The following ACSL6 variants were observed in gnomAD, a reference collection of about 807,000 sequenced individuals.
The protein encoded by ACSL6 is acyl-CoA synthetase long chain family member 6.
Under a neutral mutation model 98.2 loss-of-function variants are expected in ACSL6, and 47 were observed. The ratio of observed to expected loss-of-function variants is 0.48; its 90% CI spans 0.38 to 0.61. The LOEUF is 0.61. ACSL6 is among the 20% of genes least tolerant of loss of function. ACSL6 has a pLI of 0.00. For synonymous variants in ACSL6, 362 were observed against 336.9 expected, an observed-to-expected ratio of 1.07 and a Z score of -0.82; for missense variants, 761 against 913.4, an observed-to-expected ratio of 0.83 and a Z score of 2.15.
chr5:131,986,999 AC>A, intron 7 of ACSL6, 145 bp from the exon 8 acceptor site: 10 of 776,164 alleles, frequency 1.3e-5, no homozygotes, highest in African/African-American at 1.7e-5. Context: ...ACACACACAC[AC>A]CACACACAAA....
chr5:131,989,992 A>G, intron 4 of ACSL6, 108 bp downstream of exon 4: 2 of 1,199,394 alleles, frequency 1.7e-6, no homozygotes, highest in Non-Finnish European at 2.4e-6. Context: ...CAGGCCAGGG[A>G]AATAAATGAC....
At chr5:131,986,795 T>C (rs1754212617) in intron 8 of ACSL6, 27 bp downstream of exon 8, 2 of 1,613,920 alleles carry the variant, frequency 1.2e-6, no homozygotes, top group Non-Finnish European at 8.5e-7. Context: ...TCTCGCTCAA[T>C]AAAGACCTGC....
At chr5:131,987,090 C>A (rs535713853) in intron 7 of ACSL6, among the ~76,000 whole-genome samples, 1 of 152,322 alleles carries the variant, frequency 6.6e-6, no homozygotes, top group African/African-American at 2.4e-5. Flanking sequence ...CTGAGATGGT[C>A]ATGGCAGACA....
At chr5:131,991,128 C>T (rs1325768860) in intron 2 of ACSL6, among the ~76,000 whole-genome samples, 161 bp from the exon 3 acceptor site, 2 of 152,180 alleles carry the variant, frequency 1.3e-5, no homozygotes, top group African/African-American at 2.4e-5. Flanking sequence ...ACTACACACA[C>T]CTGGACTGTA....
upstream of ACSL6, chr5:132,011,708 C>G (rs532597201): frequency 6.1e-4 from 779 of 1,271,252 alleles, 6 homozygotes; most frequent in African/African-American, 0.011. The surrounding 1 kb of genome is among the most constrained non-coding windows in gnomAD (Gnocchi z 5.4). Flanking sequence ...CCCGCCTCCC[C>G]GCGCCGCTGC....
chr5:131,976,561 A>G, intron 10 of ACSL6, 87 bp downstream of exon 10: 1 of 1,239,760 alleles, frequency 8.1e-7, no homozygotes, highest in African/African-American at 1.5e-5. Flanking sequence ...AAAAAAAGAA[A>G]AAGAAAACAA....
chr5:131,956,229 A>G (rs1391505532), intron 20 of ACSL6, among the ~76,000 whole-genome samples: 1 of 152,252 alleles, frequency 6.6e-6, no homozygotes. Flanking sequence ...GGAGAGGTAT[A>G]TAATGTCATT....
At chr5:131,955,195 A>C (rs908402270) in intron 20 of ACSL6, among the ~76,000 whole-genome samples, 1 of 152,202 alleles carries the variant, frequency 6.6e-6, no homozygotes, top group African/African-American at 2.4e-5. Flanking sequence ...CATCATCTTT[A>C]TGGTATCATT....
chr5:132,000,060 T>G (rs775111941), intron 1 of ACSL6, among the ~76,000 whole-genome samples: 4 of 151,892 alleles, frequency 2.6e-5, no homozygotes, highest in Non-Finnish European at 5.9e-5. Context: ...GGATGCTAGC[T>G]CTCTGGCACT....
intron 10 of ACSL6, chr5:131,975,562 G>A: frequency 2.0e-6 from 2 of 985,456 alleles, no homozygotes; most frequent in Non-Finnish European, 2.4e-6. Context: ...GAGGAGACAA[G>A]GCCAAACCCC....
rs776482283 is a variant in ACSL6 at position 131,951,561 on chromosome 5, A to G, written c.*2673T>C. 1.1e-5 allele frequency: 2 copies of G among 190,116 alleles called. No homozygotes were observed. Among genetic ancestry groups the G allele is most frequent in the Non-Finnish European group, 2.2e-5 (2 of 91,038 alleles). The allele number at this position is 190,116 out of a possible 1,614,324, so 11.8% of individuals were successfully genotyped here. A position where few individuals can be genotyped will look rare whatever the true frequency, so the allele number is the denominator to read the frequency against. On this transcript the variant is annotated 3_prime_UTR_variant, in exon 21 of 21. Transcript: ENST00000651883. ...AAATATAAGATATTTTAAGTGGCAA[A>G]AAGAAGAAACCTTGTTTTTGTTTTT... is the stretch of plus-strand genomic sequence containing the variant.
At chr5:131,992,578 G>A (rs371399025) in intron 2 of ACSL6, among the ~76,000 whole-genome samples, 4 of 152,240 alleles carry the variant, frequency 2.6e-5, no homozygotes, top group South Asian at 4.2e-4. Context: ...GACTCACTCA[G>A]TGGCCCCTAC....
intron 1 of ACSL6, among the ~76,000 whole-genome samples, chr5:132,005,168 GA>G (rs973726309): frequency 3.1e-4 from 47 of 151,042 alleles, no homozygotes; most frequent in Non-Finnish European, 6.4e-4. Flanking sequence ...AAAGAAAAAA[GA>G]AAAAAAAATG....
At chr5:131,967,147 A>G (rs1196067844) in intron 16 of ACSL6, among the ~76,000 whole-genome samples, 2 of 152,022 alleles carry the variant, frequency 1.3e-5, no homozygotes, top group East Asian at 1.9e-4. Context: ...GGAGTTTAAG[A>G]TCAGCCTGGG....
At chr5:131,956,834 C>T (rs1180462031) in intron 20 of ACSL6, among the ~76,000 whole-genome samples, 5 of 152,228 alleles carry the variant, frequency 3.3e-5, no homozygotes, top group Admixed American at 2.6e-4. Flanking sequence ...ATGCCACACA[C>T]TTCATGAAAC....
intron 2 of ACSL6, among the ~76,000 whole-genome samples, chr5:131,991,292 T>A (rs960409036): frequency 2.6e-5 from 4 of 152,182 alleles, no homozygotes; most frequent in Admixed American, 1.3e-4. Flanking sequence ...TCAGTTAATG[T>A]TCGTACACAC....
intron 6 of ACSL6, chr5:131,988,548 G>T: frequency 6.4e-7 from 1 of 1,550,558 alleles, no homozygotes; most frequent in South Asian, 1.1e-5. Context: ...AACTTCAGAG[G>T]GCTGTACCCT....
At position 131,950,454 on chromosome 5, in the gene ACSL6, TGA is replaced by T. The variant is rs1223189745; in HGVS notation, c.*3778_*3779del. The T allele has an allele frequency of 9.8e-6, 2 of 204,394 alleles. No individual in the cohort carries two copies. Among genetic ancestry groups the T allele is most frequent in the Non-Finnish European group, 2.0e-5 (2 of 99,820 alleles). 12.7% of individuals were successfully genotyped at this position (204,394 alleles called of 1,614,324 possible). A position where few individuals can be genotyped will look rare whatever the true frequency, so the allele number is the denominator to read the frequency against. ...CATAGAAAGTATTTTCTAGCATACT[TGA>T]GAGGAAATTCAGACTACTAGGATCC... On this transcript the variant is annotated 3_prime_UTR_variant, in exon 21 of 21. Coordinates refer to ENST00000651883, the MANE Select transcript of ACSL6 (RefSeq NM_001009185.3).
intron 19 of ACSL6, chr5:131,959,898 G>A (rs1752609944): frequency 2.3e-6 from 1 of 442,018 alleles, no homozygotes; most frequent in Non-Finnish European, 4.1e-6. Flanking sequence ...ACCCCTAGAT[G>A]AGCCCAGGGC....
Sources: allele counts gnomAD v4.1 joint callset (sites outside exome capture counted in the v4.1 genomes callset), GRCh38; gene constraint gnomAD v4.1.1; non-coding constraint Gnocchi (gnomAD v3.1); transcripts MANE v1.5; gene names NCBI Gene and HGNC (gene_info 2026-07-23, HGNC 2026-07-21).